Variants in GRID2 observed in about 807,000 individuals in gnomAD.
The protein encoded by GRID2 is glutamate receptor ionotropic, delta-2.
GRID2 carries 33 observed loss-of-function variants against 114.8 expected under a neutral mutation model. That is an observed-to-expected ratio of 0.29 (90% CI 0.22 to 0.38). GRID2 has a LOEUF of 0.38. GRID2 is among the 10% of genes least tolerant of loss of function. The pLI is 1.00. For missense variants in GRID2, 1,184 were observed against 1,257.7 expected (o/e 0.94, Z 0.89); for synonymous variants, 505 against 449.9 (o/e 1.12, Z -1.55).
chr4:92,518,945 C>A (rs1449770242), intron 1 of GRID2, among the ~76,000 whole-genome samples: 1 of 151,708 alleles, frequency 6.6e-6, no homozygotes, highest in Non-Finnish European at 1.5e-5. Flanking sequence ...ATCACATTTA[C>A]TTTAATCCAT....
At chr4:93,098,166 T>C (rs995740562) in intron 3 of GRID2, among the ~76,000 whole-genome samples, 3 of 152,014 alleles carry the variant, frequency 2.0e-5, no homozygotes, top group Non-Finnish European at 4.4e-5. Context: ...TACAAAGCAC[T>C]TGTACTGTGT....
chr4:92,508,777 GACAAT>G (rs1295357504), intron 1 of GRID2, among the ~76,000 whole-genome samples: 3 of 151,920 alleles, frequency 2.0e-5, no homozygotes, highest in Non-Finnish European at 4.4e-5. Flanking sequence ...GGGAATGGCA[GACAAT>G]ACTTTTTTTA....
intron 8 of GRID2, among the ~76,000 whole-genome samples, chr4:93,383,189 TG>T (rs1764020778): frequency 6.6e-6 from 1 of 151,990 alleles, no homozygotes; most frequent in South Asian, 2.1e-4. Flanking sequence ...GGGGTAGGGG[TG>T]TGCAACAATG....
chr4:93,367,903 G>T (rs1375747945), intron 8 of GRID2, among the ~76,000 whole-genome samples: 2 of 152,040 alleles, frequency 1.3e-5, no homozygotes, highest in Non-Finnish European at 2.9e-5. Flanking sequence ...ATAACATAGG[G>T]TTGATTAAAT....
chr4:93,701,326 T>C (rs1312086421), intron 14 of GRID2, among the ~76,000 whole-genome samples: 1 of 152,112 alleles, frequency 6.6e-6, no homozygotes, highest in Non-Finnish European at 1.5e-5. Flanking sequence ...AAAATCTGAC[T>C]TCCTTGAAAA....
chr4:92,636,728 C>A (rs1281818715), intron 2 of GRID2, among the ~76,000 whole-genome samples: 1 of 151,902 alleles, frequency 6.6e-6, no homozygotes, highest in Non-Finnish European at 1.5e-5. Context: ...CGGGTCCCAG[C>A]GTCCCCTGCC....
intron 1 of GRID2, among the ~76,000 whole-genome samples, chr4:92,513,632 TG>T (rs1222480413): frequency 6.6e-6 from 1 of 151,862 alleles, no homozygotes; most frequent in African/African-American, 2.4e-5. Flanking sequence ...TTACATTTTT[TG>T]TATGGTGATT....
intron 2 of GRID2, among the ~76,000 whole-genome samples, chr4:92,891,162 T>G (rs1050252138): frequency 6.6e-6 from 1 of 152,064 alleles, no homozygotes. Flanking sequence ...AAATACCTAA[T>G]GTAGATGATG....
rs1387996447 is a variant in GRID2, at chr4:92,937,178, C to A, written c.245-147817C>A. On this transcript the variant is annotated intron_variant, in intron 2 of 15. Coordinates refer to ENST00000282020, the MANE Select transcript of GRID2 (RefSeq NM_001510.4). ...GCTGTCTTGATAGTGTCCTTAGATA[C>A]ACAAAATATTTTAACTTTGCTAGAG... Among the ~76,000 whole-genome samples, 2 of 146,358 alleles carry A rather than the reference C, an allele frequency of 1.4e-5. 1 individual carries two copies. The highest frequency in any genetic ancestry group is 1.5e-4 in the Admixed American group (2 of 13,458).
At chr4:92,793,524 C>T (rs79847812) in intron 2 of GRID2, among the ~76,000 whole-genome samples, 3,123 of 150,974 alleles carry the variant, frequency 0.021, 45 homozygotes, top group Non-Finnish European at 0.032. Context: ...CAAATCTGCA[C>T]TTTTACCCCT....
At chr4:92,732,059 G>T (rs2149325101) in intron 2 of GRID2, among the ~76,000 whole-genome samples, 1 of 151,996 alleles carries the variant, frequency 6.6e-6, no homozygotes, top group African/African-American at 2.4e-5. Flanking sequence ...AAGTTGAAAT[G>T]CTTTTTTGGA....
At chr4:92,325,280 A>G (rs1282814726) in intron 1 of GRID2, among the ~76,000 whole-genome samples, 1 of 151,878 alleles carries the variant, frequency 6.6e-6, no homozygotes, top group Non-Finnish European at 1.5e-5. Flanking sequence ...TGTAGATATG[A>G]CCACCTAGCT....
intron 14 of GRID2, among the ~76,000 whole-genome samples, chr4:93,699,503 A>C (rs1727324770): frequency 6.6e-6 from 1 of 152,122 alleles, no homozygotes; most frequent in African/African-American, 2.4e-5. Context: ...CACTTCCATA[A>C]GATATTAATA....
chr4:92,634,879 AAGAGAGAG>A (rs70942918), intron 2 of GRID2, among the ~76,000 whole-genome samples: 1 of 135,666 alleles, frequency 7.4e-6, no homozygotes, highest in African/African-American at 2.7e-5. Flanking sequence ...GAGAGAGAGA[AAGAGAGAG>A]AGAGAGAGAG....
chr4:92,789,006 T>C (rs1156775034), intron 2 of GRID2, among the ~76,000 whole-genome samples: 1 of 151,920 alleles, frequency 6.6e-6, no homozygotes, highest in Non-Finnish European at 1.5e-5. Flanking sequence ...TAGTCACAGT[T>C]TTTCTTTTAA....
At chr4:93,218,556 T>G (rs1288928774) in intron 6 of GRID2, among the ~76,000 whole-genome samples, 1 of 152,130 alleles carries the variant, frequency 6.6e-6, no homozygotes, top group East Asian at 1.9e-4. Flanking sequence ...TCATAAGTAC[T>G]CATAACGTGC....
intron 1 of GRID2, among the ~76,000 whole-genome samples, chr4:92,337,229 G>A (rs1042860835): frequency 6.6e-6 from 1 of 151,820 alleles, no homozygotes; most frequent in Admixed American, 6.6e-5. Context: ...TTTAATTTTG[G>A]ATTGTTGTTT....
At chr4:92,856,630 A>C (rs1744202669) in intron 2 of GRID2, among the ~76,000 whole-genome samples, 1 of 152,122 alleles carries the variant, frequency 6.6e-6, no homozygotes, top group East Asian at 1.9e-4. Flanking sequence ...AGGTTTTTCC[A>C]CTGGAGTTTA....
chr4:92,431,017 G>C (rs1732414550), intron 1 of GRID2, among the ~76,000 whole-genome samples: 1 of 152,046 alleles, frequency 6.6e-6, no homozygotes, highest in Non-Finnish European at 1.5e-5. Context: ...GACTCATTAG[G>C]TTTTTCCAAA....
Sources: gnomAD v4.1 joint callset for allele counts (sites outside exome capture counted in the v4.1 genomes callset) on GRCh38, gnomAD v4.1.1 for gene constraint, MANE v1.5 for transcripts, NCBI Gene and HGNC (gene_info 2026-07-23, HGNC 2026-07-21) for gene names.